AHI1: variants seen among roughly 807,000 people sequenced by gnomAD.
The protein encoded by AHI1 is jouberin.
In AHI1, 123 loss-of-function variants were observed where a neutral mutation model predicts 149.3. The observed-to-expected ratio is 0.82, with a 90% confidence interval of 0.71 to 0.96. AHI1 has a LOEUF of 0.96. Ranked by LOEUF, AHI1 falls within the 40% of genes least tolerant of loss-of-function variation. The pLI, the probability that AHI1 is intolerant of heterozygous loss-of-function variation, is 0.00. For missense variants in AHI1, 1,439 were observed against 1,422.7 expected, an observed-to-expected ratio of 1.01 and a Z score of -0.18; for synonymous variants, 475 against 459.8, an observed-to-expected ratio of 1.03 and a Z score of -0.42.
At chr6:135,476,186 C>A (rs546095484) in intron 5 of AHI1, among the ~76,000 whole-genome samples, 1 of 152,100 alleles carries the variant, frequency 6.6e-6, no homozygotes, top group East Asian at 1.9e-4. Context: ...TGTTCTAATT[C>A]TTTTGTGTTT....
chr6:135,339,605 GATAA>G (rs964096626), intron 24 of AHI1, among the ~76,000 whole-genome samples: 2 of 152,136 alleles, frequency 1.3e-5, no homozygotes, highest in Non-Finnish European at 2.9e-5. Context: ...TAAACTTGAA[GATAA>G]GTAAATTGAG....
At chr6:135,334,865 A>G (rs1789137651) in intron 24 of AHI1, among the ~76,000 whole-genome samples, 1 of 152,200 alleles carries the variant, frequency 6.6e-6, no homozygotes, top group African/African-American at 2.4e-5. Context: ...AACTTGTTAG[A>G]AATGTAAATT....
chr6:135,441,275 T>C (rs116543535), intron 14 of AHI1, among the ~76,000 whole-genome samples: 1,568 of 151,806 alleles, frequency 0.01, 23 homozygotes, highest in African/African-American at 0.035. Flanking sequence ...ACTGAGATTA[T>C]CCAGTCTGAA....
intron 5 of AHI1, among the ~76,000 whole-genome samples, chr6:135,476,673 A>G (rs1562264080): frequency 6.6e-6 from 1 of 152,138 alleles, no homozygotes; most frequent in African/African-American, 2.4e-5. Flanking sequence ...AGTTTCATAC[A>G]CAGTCAGTTA....
chr6:135,416,091 A>G (rs1782335742), intron 20 of AHI1, among the ~76,000 whole-genome samples: 1 of 152,106 alleles, frequency 6.6e-6, no homozygotes, highest in African/African-American at 2.4e-5. Context: ...AAATGCCCAA[A>G]CTTATCAGAT....
chr6:135,338,231 C>T (rs1224731451), intron 24 of AHI1, among the ~76,000 whole-genome samples: 9 of 138,624 alleles, frequency 6.5e-5, no homozygotes, highest in African/African-American at 1.3e-4. Flanking sequence ...ACCTGGGAGG[C>T]GGAGGTTGCA....
intron 5 of AHI1, among the ~76,000 whole-genome samples, chr6:135,479,519 C>T (rs1793258411): frequency 6.6e-6 from 1 of 152,242 alleles, no homozygotes; most frequent in Admixed American, 6.5e-5. Flanking sequence ...GGCAATCTCT[C>T]ACTTTTGGAA....
chr6:135,342,290 C>A (rs763531981), intron 24 of AHI1, among the ~76,000 whole-genome samples: 9 of 151,830 alleles, frequency 5.9e-5, no homozygotes, highest in Non-Finnish European at 1.3e-4. Context: ...ATTAAACCAG[C>A]AATCAAAACA....
intron 23 of AHI1, among the ~76,000 whole-genome samples, chr6:135,369,711 T>C (rs1582868107): frequency 1.3e-5 from 2 of 152,232 alleles, no homozygotes; most frequent in African/African-American, 4.8e-5. Flanking sequence ...GTATAATTTT[T>C]ATTGTTTTGC....
At chr6:135,487,853 A>G (rs916226360) in intron 5 of AHI1, among the ~76,000 whole-genome samples, 1 of 152,132 alleles carries the variant, frequency 6.6e-6, no homozygotes, top group Non-Finnish European at 1.5e-5. Context: ...TAAATTCTTA[A>G]CTTTGATTCA....
chr6:135,480,449 C>A (rs1298906738), intron 5 of AHI1, among the ~76,000 whole-genome samples: 3 of 151,280 alleles, frequency 2.0e-5, no homozygotes, highest in Admixed American at 6.6e-5. Flanking sequence ...CAGAGCAAGA[C>A]CCTGTCTTAA....
rs375409237 is a variant in AHI1 at position 135,389,299 on chromosome 6, ACT to A, written c.3109+5475_3109+5476del. Among the ~76,000 whole-genome samples, 294 of 147,230 alleles carry A rather than the reference ACT, an allele frequency of 2.0e-3. 4 individuals are homozygous for A. Among genetic ancestry groups the A allele is most frequent in the African/African-American group, 6.8e-3 (267 of 39,514 alleles). On this transcript the variant is annotated intron_variant, in intron 23 of 28. Coordinates refer to ENST00000265602, the MANE Select transcript of AHI1 (RefSeq NM_001134831.2). ...GCACCAGCCTGGGTGACAGAGCAAG[ACT>A]CTGTCTAAAAAAAAAAAAAAAAAAA... is the stretch of plus-strand genomic sequence containing the variant.
At chr6:135,361,987 C>T (rs1299241935) in intron 23 of AHI1, among the ~76,000 whole-genome samples, 1 of 152,146 alleles carries the variant, frequency 6.6e-6, no homozygotes, top group Non-Finnish European at 1.5e-5. Flanking sequence ...CTATCCCTCA[C>T]CCCTGTCCCA....
intron 24 of AHI1, among the ~76,000 whole-genome samples, chr6:135,349,207 T>C (rs143537763): frequency 1.3e-3 from 202 of 152,274 alleles, no homozygotes; most frequent in African/African-American, 4.7e-3. Flanking sequence ...AGGCCAGTCT[T>C]GAACTCTTGG....
At chr6:135,401,611 T>C (rs1249166993) in intron 22 of AHI1, among the ~76,000 whole-genome samples, 1 of 152,194 alleles carries the variant, frequency 6.6e-6, no homozygotes, top group Non-Finnish European at 1.5e-5. Context: ...TTTCAATAAG[T>C]AGTGCTGAGA....
At position 135,290,433 on chromosome 6, in the gene AHI1, G is replaced by A; in HGVS notation, c.3578C>T (p.Thr1193Ile). ...TGGTTTTCCCCTTACCTCTATTAGAGTGACTTTTCTGCCTGCTTGCTTGTT... is the reference window on the plus strand; with the variant it reads ...TGGTTTTCCCCTTACCTCTATTAGAATGACTTTTCTGCCTGCTTGCTTGTT... ...RKNKQAGRKV[T>I]LIE is the part of the protein sequence containing the mutation. Residue 1193 changes from threonine (T) to isoleucine (I), a missense_variant, in exon 28 of 29, where the codon ACT (threonine) becomes ATT (isoleucine). By Grantham distance (89) the Thr-to-Ile change is moderately conservative. Coordinates refer to ENST00000265602, the MANE Select transcript of AHI1 (RefSeq NM_001134831.2). 6.3e-7 allele frequency: 1 copy of A among 1,578,718 alleles called. No individual in the cohort carries two copies. Among genetic ancestry groups the A allele is most frequent in the South Asian group, 1.1e-5 (1 of 90,418 alleles).
At chr6:135,457,468 T>C (rs1789154529) in intron 9 of AHI1, 26 bp downstream of exon 9, 13 of 1,543,334 alleles carry the variant, frequency 8.4e-6, no homozygotes, top group East Asian at 2.3e-5. Flanking sequence ...GTTTCAAGAA[T>C]TAGTTGTGCA....
At chr6:135,334,440 C>T in intron 24 of AHI1, among the ~76,000 whole-genome samples, 1 of 152,136 alleles carries the variant, frequency 6.6e-6, no homozygotes, top group African/African-American at 2.4e-5. Context: ...GCTTGGACTT[C>T]CCAGTCTCCA....
intron 24 of AHI1, among the ~76,000 whole-genome samples, chr6:135,351,144 C>CA (rs112077817): frequency 0.016 from 1,864 of 116,224 alleles, 14 homozygotes; most frequent in African/African-American, 0.025. Context: ...ACAAAAAAAA[C>CA]AAAAAAAAAA....
Sources: allele counts gnomAD v4.1 joint callset (sites outside exome capture counted in the v4.1 genomes callset), GRCh38; gene constraint gnomAD v4.1.1; transcripts MANE v1.5; gene names NCBI Gene and HGNC (gene_info 2026-07-23, HGNC 2026-07-21).